Variants in ALG1 observed in about 807,000 individuals in gnomAD.
ALG1 encodes ALG1 chitobiosyldiphosphodolichol beta-mannosyltransferase.
A neutral mutation model predicts 55.1 loss-of-function variants in ALG1; 58 were observed. The observed-to-expected ratio is 1.05, with a 90% CI of 0.85 to 1.31. The LOEUF is 1.31. Ranked by LOEUF, ALG1 falls within the 50% of genes most tolerant of loss-of-function variation. The pLI is 0.00. For synonymous variants in ALG1, 309 were observed against 247.0 expected (o/e 1.25, Z -2.35); for missense variants, 761 against 598.6 (o/e 1.27, Z -2.83).
At chr16:5,081,840 G>T (rs1357778461) in intron 10 of ALG1, among the ~76,000 whole-genome samples, 2 of 151,936 alleles carry the variant, frequency 1.3e-5, no homozygotes, top group African/African-American at 4.8e-5. Context: ...TGGATTCCAG[G>T]TGTGACCCAT....
Position 5,073,034 on chromosome 16 carries a change from A to G in ALG1, c.286+6A>G. On this transcript the variant is annotated splice_donor_region_variant and intron_variant, in intron 2 of 12. Transcript: ENST00000262374. ...AGAACTTCAGAGTCTTGCAGGTAGGATGCCGTCAACTCCAGAATCCTCTGA... is the reference window on the plus strand; with the variant it reads ...AGAACTTCAGAGTCTTGCAGGTAGGGTGCCGTCAACTCCAGAATCCTCTGA... 1 of 1,614,070 alleles carries G rather than the reference A, an allele frequency of 6.2e-7. No individual in the cohort carries two copies. The highest frequency in any genetic ancestry group is 1.7e-5 in the Admixed American group (1 of 60,026).
chr16:5,080,468 G>A (rs1167722921), intron 9 of ALG1, among the ~76,000 whole-genome samples: 1 of 152,228 alleles, frequency 6.6e-6, no homozygotes, highest in Non-Finnish European at 1.5e-5. Flanking sequence ...AGTGAGGAGG[G>A]AGAAAAGCGG....
intron 1 of ALG1, 22 bp downstream of exon 1, chr16:5,072,079 A>G: frequency 7.7e-7 from 1 of 1,291,082 alleles, no homozygotes. Context: ...AGGGTCTGGG[A>G]GGGACGATGC....
rs1205327334 is a variant in ALG1, at chr16:5,072,967, T to G, written c.225T>G (p.Asp75Glu). Reference protein sequence around the residue: ...LLGFCNSKPHDELLQNNRIQI... With the variant: ...LLGFCNSKPHEELLQNNRIQI... ...ATTTTTCAGACTCCAAACCCCATGATGAGCTCTTGCAGAACAACAGAATTC... is the reference window on the plus strand; with the variant it reads ...ATTTTTCAGACTCCAAACCCCATGAGGAGCTCTTGCAGAACAACAGAATTC... Residue 75 changes from aspartate to glutamate, a missense_variant, in exon 2 of 13, where the codon GAT becomes GAG. By Grantham distance (45) the Asp-to-Glu change is conservative (BLOSUM62 2). Transcript: ENST00000262374. 6.2e-7 allele frequency: 1 copy of G among 1,614,170 alleles called. No individual in the cohort carries two copies. Among genetic ancestry groups the G allele is most frequent in the Non-Finnish European group, 8.5e-7 (1 of 1,179,990 alleles).
chr16:5,080,804 G>C (rs1298643723), intron 9 of ALG1, 142 bp from the exon 10 acceptor site: 4 of 1,187,720 alleles, frequency 3.4e-6, no homozygotes, highest in Non-Finnish European at 4.9e-6. Context: ...TTCTGGAAGG[G>C]CCCGGATGGG....
rs1171968775 is a variant in ALG1 at position 5,071,875 on chromosome 16, T to C, written c.26T>C (p.Leu9Pro). Residue 9 changes from leucine (L) to proline (P), a missense_variant, in exon 1 of 13, where the codon CTG becomes CCG. By Grantham distance (98) the Leu-to-Pro change is moderately conservative. Transcript: ENST00000262374. MAASCLVL[L>P]ALCLLLPLLL... ...ATGGCGGCCTCATGCTTGGTCCTGC[T>C]GGCGCTGTGTCTGCTGCTGCCGCTG... is the stretch of plus-strand genomic sequence containing the variant. 3 of 1,604,870 alleles carry C rather than the reference T, an allele frequency of 1.9e-6. No individual in the cohort carries two copies. Among genetic ancestry groups the C allele is most frequent in the Middle Eastern group, 3.5e-4 (2 of 5,794 alleles).
At chr16:5,080,227 C>CCCGG (rs2142719912) in intron 9 of ALG1, among the ~76,000 whole-genome samples, 1 of 151,926 alleles carries the variant, frequency 6.6e-6, no homozygotes, top group African/African-American at 2.4e-5. Context: ...ACCACAACTG[C>CCCGG]CTAATTTTTG....
At position 5,086,160 on chromosome 16, in the gene ALG1, A is replaced by G. The variant is rs1174709056; in HGVS notation, c.*1279A>G. Among the ~76,000 whole-genome samples, 3 of 152,130 alleles carry G rather than the reference A, an allele frequency of 2.0e-5. No homozygotes were observed. The highest frequency in any genetic ancestry group is 4.4e-5 in the Non-Finnish European group (3 of 68,020). On this transcript the variant is annotated 3_prime_UTR_variant, in exon 13 of 13. Transcript: ENST00000262374. ...AGACCAGCCTGGCCAACATGGTGAAATCCCATCTCTACAAAAATACAGAAA... is the reference window on the plus strand; with the variant it reads ...AGACCAGCCTGGCCAACATGGTGAAGTCCCATCTCTACAAAAATACAGAAA...
At chr16:5,073,064 A>G (rs746019853) in intron 2 of ALG1, 36 bp downstream of exon 2, 3 of 1,612,420 alleles carry the variant, frequency 1.9e-6, no homozygotes, top group African/African-American at 1.3e-5. Context: ...CTCTGAATCC[A>G]TGGGCTGGGG....
chr16:5,078,094 G>A, intron 6 of ALG1, 77 bp downstream of exon 6: 2 of 1,515,514 alleles, frequency 1.3e-6, no homozygotes, highest in Non-Finnish European at 1.8e-6. Flanking sequence ...TGCAGACCTG[G>A]GAACCCACTC....
chr16:5,074,831 T>A (rs1355000941), intron 3 of ALG1, among the ~76,000 whole-genome samples: 1 of 152,204 alleles, frequency 6.6e-6, no homozygotes, highest in Non-Finnish European at 1.5e-5. Flanking sequence ...GCCATCTCTT[T>A]GTTCTGTTTT....
chr16:5,082,731 G>T, intron 11 of ALG1, 58 bp downstream of exon 11: 3 of 1,599,074 alleles, frequency 1.9e-6, no homozygotes, highest in Non-Finnish European at 2.6e-6. Context: ...CGCTGAGGGG[G>T]AAGCAGTGCA....
Position 5,086,135 on chromosome 16 carries a change from A to G in ALG1, c.*1254A>G, listed in dbSNP as rs1957155623. On this transcript the variant is annotated 3_prime_UTR_variant, in exon 13 of 13. Coordinates refer to ENST00000262374, the MANE Select transcript of ALG1 (RefSeq NM_019109.5). Reference sequence around the variant, plus strand: ...CGGATCACTTGAGGTCAGGAGTTCGAGACCAGCCTGGCCAACATGGTGAAA... The same window carrying G: ...CGGATCACTTGAGGTCAGGAGTTCGGGACCAGCCTGGCCAACATGGTGAAA... 6.6e-6 allele frequency among the ~76,000 whole-genome samples: 1 copy of G among 152,212 alleles called. No individual in the cohort carries two copies. The highest frequency in any genetic ancestry group is 6.5e-5 in the Admixed American group (1 of 15,288).
rs1481213667 is a variant in ALG1 at position 5,082,606 on chromosome 16, G to A, written c.1120G>A (p.Asp374Asn). ...VCLHTSSSGL[D>N]LPMKVVDMFG... ...TCTGCACACGTCCTCCAGTGGCCTGGACCTGCCCATGAAGGTGGTGGACAT... is the reference window on the plus strand; with the variant it reads ...TCTGCACACGTCCTCCAGTGGCCTGAACCTGCCCATGAAGGTGGTGGACAT... The change falls in exon 11 of 13, where the codon GAC becomes AAC. Residue 374 changes from aspartate to asparagine, a missense_variant. Asp to Asn is a conservative substitution (Grantham distance 23). Transcript: ENST00000262374. 9.3e-6 allele frequency: 15 copies of A among 1,611,924 alleles called. No homozygotes were observed. The highest frequency in any genetic ancestry group is 1.2e-5 in the Non-Finnish European group (14 of 1,179,870).
At chr16:5,083,653 C>T (rs1265027328) in intron 11 of ALG1, 29 bp from the exon 12 acceptor site, 36 of 1,600,556 alleles carry the variant, frequency 2.2e-5, no homozygotes, top group Non-Finnish European at 2.9e-5. Context: ...CTACAGGCAG[C>T]TCTCAGGCTC....
intron 5 of ALG1, among the ~76,000 whole-genome samples, 164 bp downstream of exon 5, chr16:5,077,698 G>A (rs1484371174): frequency 6.6e-6 from 1 of 152,214 alleles, no homozygotes; most frequent in African/African-American, 2.4e-5. Flanking sequence ...GGAGGGGGCA[G>A]AGTTTCTTTC....
intron 4 of ALG1, 92 bp from the exon 5 acceptor site, chr16:5,077,353 C>A: frequency 8.9e-7 from 1 of 1,126,436 alleles, no homozygotes; most frequent in Non-Finnish European, 1.4e-6. Flanking sequence ...CCCAGCTCTG[C>A]GGCCTTTTCT....
At chr16:5,081,100 G>T in intron 10 of ALG1, 44 bp downstream of exon 10, 2 of 1,417,190 alleles carry the variant, frequency 1.4e-6, no homozygotes, top group South Asian at 1.2e-5. Flanking sequence ...GGGGGGAACA[G>T]GGTGGGCGGG....
At chr16:5,078,144 T>C (rs1956948933) in intron 6 of ALG1, 127 bp downstream of exon 6, 2 of 1,072,514 alleles carry the variant, frequency 1.9e-6, no homozygotes, top group East Asian at 5.1e-5. Flanking sequence ...GCCAGTCTGC[T>C]GCTTTTGTAA....
Sources: gnomAD v4.1 joint callset for allele counts (sites outside exome capture counted in the v4.1 genomes callset) on GRCh38, gnomAD v4.1.1 for gene constraint, MANE v1.5 for transcripts, NCBI Gene and HGNC (gene_info 2026-07-23, HGNC 2026-07-21) for gene names.